The following GNAI3 variants were observed in gnomAD, a reference collection of about 807,000 sequenced individuals.
GNAI3 encodes guanine nucleotide-binding protein G(i) subunit alpha-3.
Under a neutral mutation model 41.8 loss-of-function variants are expected in GNAI3, and 12 were observed. That is an observed-to-expected ratio of 0.29 (90% CI 0.18 to 0.47). The LOEUF (loss-of-function observed/expected upper bound fraction) is 0.47. Among genes scored for constraint, GNAI3 ranks in the 20% least tolerant of loss-of-function variants. The pLI, the probability that GNAI3 is intolerant of heterozygous loss-of-function variation, is 1.00. For missense variants in GNAI3, 360 were observed against 429.6 expected (o/e 0.84, Z 1.43); for synonymous variants, 132 against 146.5 (o/e 0.90, Z 0.71).
At chr1:109,582,047 T>C (rs1648902347) in intron 4 of GNAI3, among the ~76,000 whole-genome samples, 1 of 152,162 alleles carries the variant, frequency 6.6e-6, no homozygotes, top group African/African-American at 2.4e-5. Flanking sequence ...CAGGCTGGTG[T>C]ACAGTGGCAC....
At chr1:109,575,542 T>C (rs950316114) in intron 3 of GNAI3, among the ~76,000 whole-genome samples, 6 of 132,404 alleles carry the variant, frequency 4.5e-5, no homozygotes, top group Non-Finnish European at 8.1e-5. Context: ...TTCTTTTTTT[T>C]TTTTTTTTTT....
At chr1:109,556,745 C>T (rs1045365947) in intron 1 of GNAI3, among the ~76,000 whole-genome samples, 1 of 152,170 alleles carries the variant, frequency 6.6e-6, no homozygotes, top group Non-Finnish European at 1.5e-5. Context: ...CTCTGTTACT[C>T]TCATCTCTTA....
In GNAI3 at chr1:109,582,424, G is replaced by A. The variant is rs12721541; in HGVS notation, c.462-13G>A. The A allele has an allele frequency of 3.2e-5, 52 of 1,600,736 alleles. No individual in the cohort carries two copies. In the African/African-American group the frequency reaches 6.6e-4, roughly 20 times the overall value. On this transcript the variant is annotated splice_polypyrimidine_tract_variant and intron_variant, in intron 4 of 8. Coordinates refer to ENST00000369851, the MANE Select transcript of GNAI3 (RefSeq NM_006496.4). ...GGCTTCACCAAGTAAAAGTAAACGT[G>A]TCTTTTATTTAGTTATCTAAATGAT...
At chr1:109,586,632 C>A in intron 6 of GNAI3, 97 bp from the exon 7 acceptor site, 1 of 839,776 alleles carries the variant, frequency 1.2e-6, no homozygotes, top group Non-Finnish European at 1.9e-6. Context: ...CCGTGAATGC[C>A]ATTTAGTGCT....
Position 109,586,724 on chromosome 1 carries a change from T to C in GNAI3, c.721-5T>C. 1 of 1,588,438 alleles carries C rather than the reference T, an allele frequency of 6.3e-7. No individual in the cohort carries two copies. The highest frequency in any genetic ancestry group is 2.2e-5 in the East Asian group (1 of 44,712). On this transcript the variant is annotated splice_polypyrimidine_tract_variant and splice_region_variant and intron_variant, in intron 6 of 8. Coordinates refer to ENST00000369851, the MANE Select transcript of GNAI3 (RefSeq NM_006496.4). ...CTGACCTATCATCCTTTATTTCTTTTTCAGAACCGAATGCATGAAAGCATG... is the reference window on the plus strand; with the variant it reads ...CTGACCTATCATCCTTTATTTCTTTCTCAGAACCGAATGCATGAAAGCATG...
intron 1 of GNAI3, among the ~76,000 whole-genome samples, chr1:109,572,970 TG>T (rs1648646607): frequency 6.6e-6 from 1 of 152,018 alleles, no homozygotes; most frequent in Non-Finnish European, 1.5e-5. Context: ...TGTGGGAAAA[TG>T]TAGTTTTTTC....
In GNAI3 at chr1:109,563,505, C is replaced by G. The variant is rs115714766; in HGVS notation, c.119-10232C>G. The stretch of plus-strand genomic sequence containing the variant: ...AGGAAGGAACTCTACGTACTTCTCC[C>G]CCTTTAAATGATAACATTTTGAGGA... On this transcript the variant is annotated intron_variant, in intron 1 of 8. Coordinates refer to ENST00000369851, the MANE Select transcript of GNAI3 (RefSeq NM_006496.4). Among the ~76,000 whole-genome samples the G allele has an allele frequency of 5.6e-3, 860 of 152,312 alleles. 8 individuals carry two copies. The highest frequency in any genetic ancestry group is 0.02 in the African/African-American group (839 of 41,572).
In GNAI3 at chr1:109,598,119, CTCTTA is replaced by C. The variant is rs2101117300; in HGVS notation, c.*5802_*5806del. The C allele has an allele frequency of 6.6e-6, 1 of 152,340 alleles. No individual in the cohort carries two copies. Among genetic ancestry groups the C allele is most frequent in the South Asian group, 2.1e-4 (1 of 4,824 alleles). 9.4% of individuals were successfully genotyped at this position (152,340 alleles called of 1,614,324 possible). On this transcript the variant is annotated 3_prime_UTR_variant, in exon 9 of 9. Coordinates refer to ENST00000369851, the MANE Select transcript of GNAI3 (RefSeq NM_006496.4). ...ATGAACAACCTGGTTTATCTGTCTC[CTCTTA>C]TCTTTTACCTCTCCCTACGCCCAAA... is the stretch of plus-strand genomic sequence containing the variant.
chr1:109,578,585 A>G (rs1648816491), intron 3 of GNAI3, among the ~76,000 whole-genome samples: 1 of 150,764 alleles, frequency 6.6e-6, no homozygotes, highest in South Asian at 2.1e-4. Flanking sequence ...TCAGAACATT[A>G]TTATTATTCC....
At chr1:109,568,393 A>G (rs1648512638) in intron 1 of GNAI3, among the ~76,000 whole-genome samples, 1 of 151,980 alleles carries the variant, frequency 6.6e-6, no homozygotes, top group African/African-American at 2.4e-5. Context: ...AAAATTAGCC[A>G]GGCATGGTGG....
At chr1:109,559,547 T>A (rs144741491) in intron 1 of GNAI3, among the ~76,000 whole-genome samples, 1 of 152,242 alleles carries the variant, frequency 6.6e-6, no homozygotes, top group East Asian at 1.9e-4. Flanking sequence ...TTTTGTGTTA[T>A]GTCTCTTATT....
intron 1 of GNAI3, among the ~76,000 whole-genome samples, chr1:109,553,086 C>T (rs931859057): frequency 2.0e-5 from 3 of 152,088 alleles, no homozygotes; most frequent in South Asian, 2.1e-4. Context: ...TGATGATGAT[C>T]GTGAGAATTA....
chr1:109,556,470 A>G (rs1307378694), intron 1 of GNAI3, among the ~76,000 whole-genome samples: 3 of 152,216 alleles, frequency 2.0e-5, no homozygotes, highest in Non-Finnish European at 4.4e-5. Flanking sequence ...AACATTGTGA[A>G]GAGTCTTTTG....
intron 5 of GNAI3, among the ~76,000 whole-genome samples, chr1:109,583,390 T>A (rs1220215605): frequency 1.3e-5 from 2 of 151,908 alleles, no homozygotes; most frequent in Admixed American, 6.6e-5. Flanking sequence ...TTTAAAAAAA[T>A]TTTATGTAGA....
At chr1:109,554,592 T>A (rs1648093977) in intron 1 of GNAI3, among the ~76,000 whole-genome samples, 1 of 152,254 alleles carries the variant, frequency 6.6e-6, no homozygotes, top group South Asian at 2.1e-4. Flanking sequence ...TTTGATTTCC[T>A]TGTAGATTCT....
At chr1:109,588,768 C>T (rs1649097670) in intron 7 of GNAI3, among the ~76,000 whole-genome samples, 1 of 152,020 alleles carries the variant, frequency 6.6e-6, no homozygotes, top group African/African-American at 2.4e-5. Flanking sequence ...TGGTGTGCGC[C>T]TGTAATCCCA....
chr1:109,568,709 A>G (rs1295087068), intron 1 of GNAI3, among the ~76,000 whole-genome samples: 2 of 152,154 alleles, frequency 1.3e-5, no homozygotes, highest in Non-Finnish European at 2.9e-5. Flanking sequence ...TGCCAGAACA[A>G]GGTCTTGCTC....
chr1:109,577,363 G>A (rs1264462543), intron 3 of GNAI3, among the ~76,000 whole-genome samples: 3 of 146,358 alleles, frequency 2.0e-5, no homozygotes, highest in African/African-American at 7.7e-5. Context: ...TGCAACCTCC[G>A]CCTCCTGGGT....
intron 3 of GNAI3, among the ~76,000 whole-genome samples, chr1:109,578,438 C>G (rs1027094624): frequency 6.9e-6 from 1 of 145,158 alleles, no homozygotes; most frequent in Non-Finnish European, 1.5e-5. Context: ...TCATTGCACT[C>G]CAGCCTGAGT....
Sources: allele counts gnomAD v4.1 joint callset (sites outside exome capture counted in the v4.1 genomes callset), GRCh38; gene constraint gnomAD v4.1.1; transcripts MANE v1.5; gene names NCBI Gene and HGNC (gene_info 2026-07-23, HGNC 2026-07-21).